The following BICRAL variants were observed in gnomAD, a reference collection of about 807,000 sequenced individuals.
The protein encoded by BICRAL is BRD4-interacting chromatin-remodeling complex-associated protein-like.
Under a neutral mutation model 91.8 loss-of-function variants are expected in BICRAL, and 8 were observed. The ratio of observed to expected loss-of-function variants is 0.09; its 90% CI spans 0.05 to 0.16. The LOEUF (loss-of-function observed/expected upper bound fraction) is 0.16. Among genes scored for constraint, BICRAL ranks in the 10% least tolerant of loss-of-function variants. The pLI, the probability that BICRAL is intolerant of heterozygous loss-of-function variation, is 1.00. For missense variants in BICRAL, 1,038 were observed against 1,310.9 expected (o/e 0.79, Z 3.21); for synonymous variants, 445 against 491.1 (o/e 0.91, Z 1.24).
intron 1 of BICRAL, among the ~76,000 whole-genome samples, chr6:42,789,106 A>G (rs1414195996): frequency 6.6e-6 from 1 of 152,228 alleles, no homozygotes; most frequent in African/African-American, 2.4e-5. Context: ...AGTGGGGGCC[A>G]TGAAAATCAT....
intron 1 of BICRAL, among the ~76,000 whole-genome samples, chr6:42,770,746 A>G (rs1762707165): frequency 6.6e-6 from 1 of 150,998 alleles, no homozygotes; most frequent in African/African-American, 2.4e-5. Flanking sequence ...TCTGGAGTGC[A>G]GTGGCGCAAT....
At chr6:42,793,929 C>CT (rs961780716) in intron 1 of BICRAL, among the ~76,000 whole-genome samples, 6 of 151,702 alleles carry the variant, frequency 4.0e-5, no homozygotes, top group Non-Finnish European at 7.4e-5. Flanking sequence ...AGGGTTTCCC[C>CT]ATGTTGTCCA....
intron 1 of BICRAL, among the ~76,000 whole-genome samples, chr6:42,788,271 C>T (rs1763162146): frequency 7.4e-6 from 1 of 134,270 alleles, no homozygotes; most frequent in African/African-American, 2.9e-5. Flanking sequence ...GTTGCCCAGG[C>T]TGGAGTGCAG....
chr6:42,792,191 C>T (rs116369851), intron 1 of BICRAL, among the ~76,000 whole-genome samples: 3 of 152,270 alleles, frequency 2.0e-5, no homozygotes, highest in African/African-American at 7.2e-5. Context: ...AAACACCATA[C>T]ACTTAGGCTA....
At chr6:42,814,037 T>C (rs531073375) in intron 2 of BICRAL, among the ~76,000 whole-genome samples, 1 of 151,998 alleles carries the variant, frequency 6.6e-6, no homozygotes, top group East Asian at 1.9e-4. Flanking sequence ...GGGGTAAAAA[T>C]GTGATTTTGA....
chr6:42,777,900 A>G (rs919526175), upstream of BICRAL, among the ~76,000 whole-genome samples: 1 of 152,222 alleles, frequency 6.6e-6, no homozygotes. Context: ...AGCTATTTGC[A>G]TATAGTAAAG....
At chr6:42,793,969 CATTTTT>C (rs56661185) in intron 1 of BICRAL, among the ~76,000 whole-genome samples, 67,355 of 145,696 alleles carry the variant, frequency 0.46, 17,168 homozygotes, top group African/African-American at 0.68. Context: ...GACAAGATGA[CATTTTT>C]ATTTTTATTT....
At position 42,858,924 on chromosome 6, in the gene BICRAL, G is replaced by A. The variant is rs530946942; in HGVS notation, c.2255-1338G>A. ...GGCCATGCTCTTTCCCACCACCACC[G>A]CTAAGGCCTGGCTGTATCAGTGCCC... On this transcript the variant is annotated intron_variant, in intron 10 of 12. Coordinates refer to ENST00000314073, the MANE Select transcript of BICRAL (RefSeq NM_001393499.1). 1.3e-4 allele frequency among the ~76,000 whole-genome samples: 20 copies of A among 151,956 alleles called. No individual in the cohort carries two copies. In the East Asian group the frequency reaches 1.9e-3, roughly 15 times the overall value.
intron 1 of BICRAL, among the ~76,000 whole-genome samples, chr6:42,757,835 A>G (rs1014543614): frequency 2.0e-5 from 3 of 152,224 alleles, no homozygotes; most frequent in African/African-American, 7.2e-5. Context: ...TGACTTCCCC[A>G]GGCCTGAGAG....
At chr6:42,753,596 A>G (rs531186426) in intron 1 of BICRAL, among the ~76,000 whole-genome samples, 3 of 152,214 alleles carry the variant, frequency 2.0e-5, no homozygotes, top group South Asian at 2.1e-4. Context: ...CATCCTCTCT[A>G]TTGCACTGTT....
chr6:42,820,439 T>C (rs1390641936), intron 2 of BICRAL, among the ~76,000 whole-genome samples: 3 of 152,190 alleles, frequency 2.0e-5, no homozygotes, highest in Non-Finnish European at 4.4e-5. Context: ...GAGACAAGCC[T>C]ATGGTATGCT....
At chr6:42,863,954 A>G (rs906499684) in intron 12 of BICRAL, among the ~76,000 whole-genome samples, 1 of 152,128 alleles carries the variant, frequency 6.6e-6, no homozygotes, top group Non-Finnish European at 1.5e-5. Context: ...ATCTGAGGTC[A>G]GGAGTTCGAG....
chr6:42,770,604 C>CG (rs1361597168), intron 1 of BICRAL, among the ~76,000 whole-genome samples: 3 of 151,852 alleles, frequency 2.0e-5, no homozygotes, highest in East Asian at 1.9e-4. Flanking sequence ...TTAGTACAGA[C>CG]GGGGTTTCAC....
chr6:42,781,533 G>GT (rs751931190), upstream of BICRAL, among the ~76,000 whole-genome samples: 2,139 of 83,628 alleles, frequency 0.026, 27 homozygotes, highest in Middle Eastern at 0.063. Context: ...ATCTTGTAGG[G>GT]TTTTTTTTTT....
intron 5 of BICRAL, among the ~76,000 whole-genome samples, chr6:42,824,129 G>T (rs1582846681): frequency 6.6e-6 from 1 of 151,890 alleles, no homozygotes; most frequent in African/African-American, 2.4e-5. Flanking sequence ...TACTCAGGAG[G>T]CTGAGGCAGG....
chr6:42,813,838 T>C (rs546839743), intron 2 of BICRAL, among the ~76,000 whole-genome samples: 27 of 152,002 alleles, frequency 1.8e-4, no homozygotes, highest in Non-Finnish European at 3.1e-4. Context: ...TTTAAAGATA[T>C]ATCAAAACTG....
chr6:42,773,414 C>T (rs1464352228), intron 1 of BICRAL, among the ~76,000 whole-genome samples: 1 of 152,130 alleles, frequency 6.6e-6, no homozygotes, highest in Non-Finnish European at 1.5e-5. Flanking sequence ...TACAAAGCAT[C>T]GCCATGTTGC....
intron 2 of BICRAL, among the ~76,000 whole-genome samples, chr6:42,814,848 T>G (rs1312699284): frequency 1.3e-5 from 2 of 151,928 alleles, no homozygotes; most frequent in African/African-American, 4.8e-5. Context: ...CAAAAACATT[T>G]GTAATAGTGG....
At chr6:42,761,713 G>A (rs1014948900) in intron 1 of BICRAL, among the ~76,000 whole-genome samples, 2 of 151,784 alleles carry the variant, frequency 1.3e-5, no homozygotes, top group Non-Finnish European at 2.9e-5. Flanking sequence ...TTCAAGACCA[G>A]CCTGGACAAC....
Sources: allele counts gnomAD v4.1 joint callset (sites outside exome capture counted in the v4.1 genomes callset), GRCh38; gene constraint gnomAD v4.1.1; transcripts MANE v1.5; gene names NCBI Gene and HGNC (gene_info 2026-07-23, HGNC 2026-07-21).